AKAP13: variants seen among roughly 807,000 people sequenced by gnomAD.
The protein encoded by AKAP13 is A-kinase anchor protein 13.
A neutral mutation model predicts 264.5 loss-of-function variants in AKAP13; 80 were observed. The observed-to-expected ratio is 0.30, with a 90% CI of 0.25 to 0.36. The LOEUF (loss-of-function observed/expected upper bound fraction) is 0.36. Among genes scored for constraint, AKAP13 ranks in the 10% least tolerant of loss-of-function variants. The pLI is 1.00. For missense variants in AKAP13, 3,712 were observed against 3,435.2 expected (o/e 1.08, Z -2.01); for synonymous variants, 1,380 against 1,250.2 (o/e 1.10, Z -2.19).
At chr15:85,513,574 G>T (rs2076512769) in intron 2 of AKAP13, among the ~76,000 whole-genome samples, 1 of 152,138 alleles carries the variant, frequency 6.6e-6, no homozygotes, top group African/African-American at 2.4e-5. Context: ...TTACCTGTAG[G>T]CCGACAATTT....
chr15:85,653,412 T>G (rs1160095927), intron 10 of AKAP13, among the ~76,000 whole-genome samples: 1 of 152,196 alleles, frequency 6.6e-6, no homozygotes, highest in East Asian at 1.9e-4. Flanking sequence ...GTGATCCCCT[T>G]GCATCTTTTC....
intron 16 of AKAP13, among the ~76,000 whole-genome samples, chr15:85,688,967 G>C (rs950428792): frequency 3.0e-4 from 46 of 152,154 alleles, no homozygotes; most frequent in African/African-American, 9.9e-4. Flanking sequence ...CATGGTGTTC[G>C]AGTTCACAAA....
chr15:85,740,597 G>T, intron 34 of AKAP13: 2 of 360,150 alleles, frequency 5.6e-6, no homozygotes, highest in Non-Finnish European at 1.0e-5. Context: ...GTATCTCTGT[G>T]GTATTTGAAT....
intron 17 of AKAP13, among the ~76,000 whole-genome samples, chr15:85,705,540 C>A (rs2086183082): frequency 6.6e-6 from 1 of 150,986 alleles, no homozygotes. Context: ...ATGGATTATG[C>A]AAAAGGATAT....
At chr15:85,403,763 C>A (rs902883125) in intron 1 of AKAP13, among the ~76,000 whole-genome samples, 1 of 151,322 alleles carries the variant, frequency 6.6e-6, no homozygotes, top group African/African-American at 2.4e-5. Context: ...ATCGCTTGAA[C>A]CCGGGAGGTG....
chr15:85,612,244 A>G (rs1239425807), intron 8 of AKAP13, among the ~76,000 whole-genome samples: 3 of 152,194 alleles, frequency 2.0e-5, no homozygotes, highest in Admixed American at 6.5e-5. Flanking sequence ...ATGTATCTTA[A>G]AAACATGTTA....
intron 1 of AKAP13, among the ~76,000 whole-genome samples, chr15:85,453,424 A>C (rs1404995437): frequency 6.6e-6 from 1 of 152,184 alleles, no homozygotes; most frequent in Admixed American, 6.5e-5. Flanking sequence ...TGGTCACCTC[A>C]GATTTTCCAG....
intron 1 of AKAP13, among the ~76,000 whole-genome samples, chr15:85,393,228 A>G (rs2070951672): frequency 6.6e-6 from 1 of 152,224 alleles, no homozygotes; most frequent in South Asian, 2.1e-4. Context: ...ATCCTCTTGG[A>G]TGCTTTGTAC....
At chr15:85,646,188 C>G (rs2082551707) in intron 10 of AKAP13, among the ~76,000 whole-genome samples, 1 of 152,120 alleles carries the variant, frequency 6.6e-6, no homozygotes, top group Non-Finnish European at 1.5e-5. Flanking sequence ...TAGAAAAAGG[C>G]ACTGGGCTGG....
chr15:85,736,463 C>G (rs890687004), intron 33 of AKAP13, among the ~76,000 whole-genome samples: 10 of 151,998 alleles, frequency 6.6e-5, no homozygotes, highest in African/African-American at 2.4e-4. Context: ...GAGATGGGGT[C>G]TCACTCTATC....
At chr15:85,616,686 G>C (rs1290073043) in intron 8 of AKAP13, among the ~76,000 whole-genome samples, 1 of 152,224 alleles carries the variant, frequency 6.6e-6, no homozygotes, top group Non-Finnish European at 1.5e-5. Context: ...CTCTGGTTTA[G>C]ATATGAAATG....
chr15:85,689,228 C>G (rs2085123456), intron 16 of AKAP13, among the ~76,000 whole-genome samples: 1 of 152,110 alleles, frequency 6.6e-6, no homozygotes, highest in Non-Finnish European at 1.5e-5. Context: ...GCTCCTAGGT[C>G]CTGTGGTCTG....
intron 30 of AKAP13, among the ~76,000 whole-genome samples, chr15:85,734,205 T>C (rs907578408): frequency 2.0e-5 from 3 of 152,354 alleles, no homozygotes; most frequent in South Asian, 4.1e-4. Flanking sequence ...GCTTTTATTA[T>C]CTGTAGAGAA....
chr15:85,593,716 C>T (rs987412217), intron 8 of AKAP13, among the ~76,000 whole-genome samples: 1 of 152,084 alleles, frequency 6.6e-6, no homozygotes, highest in African/African-American at 2.4e-5. Context: ...GGATGTGTGT[C>T]TCATGCCACC....
At chr15:85,524,875 CTGTGTG>C (rs61626116) in intron 3 of AKAP13, among the ~76,000 whole-genome samples, 30 of 147,340 alleles carry the variant, frequency 2.0e-4, no homozygotes, top group East Asian at 1.4e-3. Flanking sequence ...CCCCATTCCC[CTGTGTG>C]TGTGTGTGTG....
chr15:85,467,753 C>A (rs1047727207), intron 1 of AKAP13, among the ~76,000 whole-genome samples: 1 of 152,128 alleles, frequency 6.6e-6, no homozygotes, highest in Non-Finnish European at 1.5e-5. Flanking sequence ...TGAATTTTGG[C>A]GAATGAGTGA....
chr15:85,700,815 C>T (rs1180006131), intron 17 of AKAP13, among the ~76,000 whole-genome samples: 1 of 151,734 alleles, frequency 6.6e-6, no homozygotes, highest in Non-Finnish European at 1.5e-5. Flanking sequence ...GCAAGGCAAG[C>T]CATTAAAAAA....
chr15:85,612,998 T>G (rs2080731948), intron 8 of AKAP13, among the ~76,000 whole-genome samples: 1 of 152,232 alleles, frequency 6.6e-6, no homozygotes, highest in South Asian at 2.1e-4. Flanking sequence ...TCTTGTGTCA[T>G]TGTACTATTA....
chr15:85,432,678 A>G (rs1364250393), intron 1 of AKAP13, among the ~76,000 whole-genome samples: 5 of 152,194 alleles, frequency 3.3e-5, no homozygotes, highest in Non-Finnish European at 7.3e-5. Flanking sequence ...GACTTTTATG[A>G]AGCTAATATA....
Sources: allele counts gnomAD v4.1 joint callset (sites outside exome capture counted in the v4.1 genomes callset), GRCh38; gene constraint gnomAD v4.1.1; transcripts MANE v1.5; gene names NCBI Gene and HGNC (gene_info 2026-07-23, HGNC 2026-07-21).